Variants in TMEM132B observed in about 807,000 individuals in gnomAD.
TMEM132B encodes transmembrane protein 132B.
A neutral mutation model predicts 90.8 loss-of-function variants in TMEM132B; 18 were observed. The observed-to-expected ratio is 0.20, with a 90% CI of 0.14 to 0.29. TMEM132B has a LOEUF of 0.29. TMEM132B is among the 10% of genes least tolerant of loss of function. The pLI is 1.00. For missense variants in TMEM132B, 1,096 were observed against 1,326.8 expected, an observed-to-expected ratio of 0.83 and a Z score of 2.70; for synonymous variants, 504 against 523.3, an observed-to-expected ratio of 0.96 and a Z score of 0.50.
At chr12:125,563,957 C>T (rs533239245) in intron 4 of TMEM132B, among the ~76,000 whole-genome samples, 62 of 152,184 alleles carry the variant, frequency 4.1e-4, no homozygotes, top group Non-Finnish European at 8.4e-4. Flanking sequence ...TGATTTCAGA[C>T]TTCTGGCCTG....
At chr12:125,229,371 C>T (rs899284195) in intron 1 of TMEM132B, among the ~76,000 whole-genome samples, 9 of 152,180 alleles carry the variant, frequency 5.9e-5, no homozygotes, top group East Asian at 1.9e-4. Flanking sequence ...TCAGTCAGTG[C>T]GGTGAGTCCT....
intron 2 of TMEM132B, among the ~76,000 whole-genome samples, chr12:125,372,541 T>A (rs1456931357): frequency 6.6e-6 from 1 of 152,178 alleles, no homozygotes; most frequent in Non-Finnish European, 1.5e-5. Flanking sequence ...CAATGTCAGA[T>A]CAATGTTAAG....
chr12:125,542,900 G>T (rs1435029308), intron 4 of TMEM132B, among the ~76,000 whole-genome samples: 1 of 152,210 alleles, frequency 6.6e-6, no homozygotes, highest in Admixed American at 6.5e-5. Flanking sequence ...GGTGCTAGAC[G>T]AGCGTCAGCA....
chr12:125,349,984 C>T lies in TMEM132B; in HGVS notation c.600C>T (p.Ser200=), dbSNP rs1419263198. The stretch of plus-strand genomic sequence containing the variant: ...TGGAGCTGCTGCCCGAGTGGTTCAG[C>T]TCAGGCCTGGACCTGGAACCAGAGG... The part of the protein sequence containing the change: ...AELELLPEWF[S]SGLDLEPEEE... The change falls in exon 2 of 9, where the codon AGC becomes AGT. Residue 200 remains serine, a synonymous_variant. Transcript: ENST00000682704. The surrounding 1 kb of genome is among the most constrained non-coding windows in gnomAD (Gnocchi z 4.1). The T allele has an allele frequency of 6.2e-7, 1 of 1,614,082 alleles. No homozygotes were observed. The highest frequency in any genetic ancestry group is 1.7e-5 in the Admixed American group (1 of 60,010).
rs185151078 is a variant in TMEM132B at position 125,528,316 on chromosome 12, C to T, written c.1293+8691C>T. ...GTTCTTAAAACTAAAAAGCCTGGCTCTGCACATGCAGATAAAAACCACATT... is the reference window on the plus strand; with the variant it reads ...GTTCTTAAAACTAAAAAGCCTGGCTTTGCACATGCAGATAAAAACCACATT... On this transcript the variant is annotated intron_variant, in intron 4 of 8. Transcript: ENST00000682704. 1.6e-3 allele frequency among the ~76,000 whole-genome samples: 251 copies of T among 152,230 alleles called. 2 individuals carry two copies. The highest frequency in any genetic ancestry group is 3.4e-3 in the Middle Eastern group (1 of 294).
intron 2 of TMEM132B, among the ~76,000 whole-genome samples, chr12:125,403,559 T>C (rs1879379745): frequency 6.6e-6 from 1 of 152,208 alleles, no homozygotes; most frequent in South Asian, 2.1e-4. Flanking sequence ...ACAAACTTAA[T>C]GAATATTCAA....
chr12:125,284,591 A>G (rs1053010306), intron 1 of TMEM132B, among the ~76,000 whole-genome samples: 4 of 152,076 alleles, frequency 2.6e-5, no homozygotes, highest in African/African-American at 9.7e-5. Flanking sequence ...TCTCTTTTTA[A>G]TGATGGTGTT....
chr12:125,262,903 C>G (rs752745357), intron 1 of TMEM132B, among the ~76,000 whole-genome samples: 1 of 152,196 alleles, frequency 6.6e-6, no homozygotes, highest in East Asian at 1.9e-4. Flanking sequence ...CAAGGCAGAC[C>G]GACTATTGGG....
intron 3 of TMEM132B, among the ~76,000 whole-genome samples, chr12:125,515,979 C>T (rs540996959): frequency 6.6e-6 from 1 of 151,932 alleles, no homozygotes; most frequent in Non-Finnish European, 1.5e-5. Context: ...GACACACACA[C>T]ATGCACACAT....
At chr12:125,573,096 T>A (rs1884842555) in intron 4 of TMEM132B, among the ~76,000 whole-genome samples, 1 of 152,218 alleles carries the variant, frequency 6.6e-6, no homozygotes, top group Admixed American at 6.5e-5. Flanking sequence ...GCCATTTCTC[T>A]AAGGAGCTCT....
At chr12:125,583,111 G>T (rs76202444) in intron 4 of TMEM132B, among the ~76,000 whole-genome samples, 10,244 of 152,230 alleles carry the variant, frequency 0.067, 1,134 homozygotes, top group African/African-American at 0.23. Context: ...CAGTTGGGGA[G>T]GGCATTGTGG....
In TMEM132B at chr12:125,217,908, G is replaced by T. The variant is rs143035457; in HGVS notation, c.67+31042G>T. 3.4e-3 allele frequency among the ~76,000 whole-genome samples: 521 copies of T among 152,284 alleles called. 1 individual carries two copies. The highest frequency in any genetic ancestry group is 5.7e-3 in the Non-Finnish European group (386 of 68,026). On this transcript the variant is annotated intron_variant, in intron 1 of 8. Transcript: ENST00000682704. ...TTAATAATGACTGCAGCAGTTGTTCGTAAGAGGAGAGATTTGAGGATAGCC... is the reference window on the plus strand; with the variant it reads ...TTAATAATGACTGCAGCAGTTGTTCTTAAGAGGAGAGATTTGAGGATAGCC...
intron 1 of TMEM132B, among the ~76,000 whole-genome samples, chr12:125,318,481 G>C (rs542121902): frequency 6.6e-6 from 1 of 152,312 alleles, no homozygotes; most frequent in South Asian, 2.1e-4. Context: ...ATTAAGCCCA[G>C]AATGCATTAG....
At position 125,654,408 on chromosome 12, in the gene TMEM132B, G is replaced by A. The variant is rs749409658; in HGVS notation, c.2950G>A (p.Glu984Lys). 11 of 1,613,358 alleles carry A rather than the reference G, an allele frequency of 6.8e-6. No individual in the cohort carries two copies. The highest frequency in any genetic ancestry group is 1.3e-5 in the African/African-American group (1 of 75,002). ...TTMIDRGLQFEERNFLLNGSS... is the reference protein window; with the variant it reads ...TTMIDRGLQFKERNFLLNGSS... ...CATGATAGACAGGGGCCTGCAGTTC[G>A]AGGAGAGGAACTTCCTTCTGAATGG... is the stretch of plus-strand genomic sequence containing the variant. The change falls in exon 9 of 9, where the codon GAG becomes AAG. Residue 984 changes from glutamate (E) to lysine (K), a missense_variant. Transcript: ENST00000682704. The surrounding 1 kb of genome is among the most constrained non-coding windows in gnomAD (Gnocchi z 5.8).
In TMEM132B at chr12:125,277,540, C is replaced by T. The variant is rs903327184; in HGVS notation, c.68-71912C>T. ...ACACACACACACACATACACACACA[C>T]ACGGGAAGGCCATGTGAAGATGCAG... On this transcript the variant is annotated intron_variant, in intron 1 of 8. Transcript: ENST00000682704. This position sits in a 1 kb window ranked among gnomAD's most constrained non-coding sequence, Gnocchi z 4.3. 7.3e-5 allele frequency among the ~76,000 whole-genome samples: 11 copies of T among 150,898 alleles called. No homozygotes were observed. The highest frequency in any genetic ancestry group is 1.5e-4 in the Non-Finnish European group (10 of 67,986).
chr12:125,450,317 T>TAAA (rs886308403), intron 3 of TMEM132B, among the ~76,000 whole-genome samples: 8 of 151,806 alleles, frequency 5.3e-5, no homozygotes, highest in African/African-American at 1.5e-4. Context: ...ATTAGGAAGA[T>TAAA]AAAAAAAATG....
intron 1 of TMEM132B, among the ~76,000 whole-genome samples, chr12:125,300,213 A>G (rs1317359341): frequency 6.6e-6 from 1 of 151,118 alleles, no homozygotes; most frequent in Admixed American, 6.6e-5. Flanking sequence ...TTTTTTTGGT[A>G]CATGTAGAGA....
rs571946015 is a variant in TMEM132B, at chr12:125,292,067, G to C, written c.68-57385G>C. On this transcript the variant is annotated intron_variant, in intron 1 of 8. Coordinates refer to ENST00000682704, the MANE Select transcript of TMEM132B (RefSeq NM_001366854.1). ...ATTTGCCTATGGTATCACTATTCAA[G>C]AATTTCTAGGATACATTTATTACCA... Among the ~76,000 whole-genome samples, 82 of 152,240 alleles carry C rather than the reference G, an allele frequency of 5.4e-4. 1 individual carries two copies. Among genetic ancestry groups the C allele is most frequent in the South Asian group, 1.4e-3 (7 of 4,828 alleles).
intron 1 of TMEM132B, among the ~76,000 whole-genome samples, chr12:125,318,993 C>T (rs1876354695): frequency 1.3e-5 from 2 of 152,168 alleles, no homozygotes. Flanking sequence ...ACTGGGGTCC[C>T]CCGGTTGTCC....
Sources: allele counts gnomAD v4.1 joint callset (sites outside exome capture counted in the v4.1 genomes callset), GRCh38; gene constraint gnomAD v4.1.1; non-coding constraint Gnocchi (gnomAD v3.1); transcripts MANE v1.5; gene names NCBI Gene and HGNC (gene_info 2026-07-23, HGNC 2026-07-21).